SPAG6: variants seen among roughly 807,000 people sequenced by gnomAD.
SPAG6 encodes sperm associated antigen 6.
A neutral mutation model predicts 58.5 loss-of-function variants in SPAG6; 49 were observed. The observed-to-expected ratio is 0.84, with a 90% CI of 0.67 to 1.06. The LOEUF (loss-of-function observed/expected upper bound fraction) is 1.06, where lower values mean the gene tolerates loss of function less well. Among genes scored for constraint, SPAG6 ranks in the 50% least tolerant of loss-of-function variants. SPAG6 has a pLI of 0.00. For missense variants in SPAG6, 560 were observed against 611.3 expected (o/e 0.92, Z 0.89); for synonymous variants, 233 against 225.6 (o/e 1.03, Z -0.29).
rs1233956423 is a variant in SPAG6 at position 22,391,925 on chromosome 10, G to A, written c.1197+5G>A. Reference sequence around the variant, plus strand: ...TCTGAGGATCTCCAAGTAAAAGTAAGTGCTTAATTCTGTTTTATGAAGATT... The same window carrying A: ...TCTGAGGATCTCCAAGTAAAAGTAAATGCTTAATTCTGTTTTATGAAGATT... On this transcript the variant is annotated splice_donor_5th_base_variant and intron_variant, in intron 8 of 10. Coordinates refer to ENST00000376624, the MANE Select transcript of SPAG6 (RefSeq NM_012443.4). 8 of 1,601,306 alleles carry A rather than the reference G, an allele frequency of 5.0e-6. No individual in the cohort carries two copies. The Admixed American group carries it at 6.8e-5, about 14-fold the overall frequency.
At chr10:22,380,458 T>C (rs1833925311) in intron 4 of SPAG6, among the ~76,000 whole-genome samples, 1 of 151,958 alleles carries the variant, frequency 6.6e-6, no homozygotes, top group Admixed American at 6.6e-5. Flanking sequence ...CCACCATGCC[T>C]GGCTAATTTT....
Position 22,405,922 on chromosome 10 carries a change from C to T in SPAG6, c.1314+4645C>T, listed in dbSNP as rs573589123. Among the ~76,000 whole-genome samples, 3 of 152,234 alleles carry T rather than the reference C, an allele frequency of 2.0e-5. No individual in the cohort carries two copies. The East Asian group carries it at 5.8e-4, about 29-fold the overall frequency. Reference sequence around the variant, plus strand: ...TCTTCTAGATTTTCTAGTTTATTTGCGTAGAGGTGTTTATAGTATTCTCTG... The same window carrying T: ...TCTTCTAGATTTTCTAGTTTATTTGTGTAGAGGTGTTTATAGTATTCTCTG... On this transcript the variant is annotated intron_variant, in intron 9 of 10. Coordinates refer to ENST00000376624, the MANE Select transcript of SPAG6 (RefSeq NM_012443.4).
At chr10:22,384,701 T>C (rs1834028893) in intron 4 of SPAG6, among the ~76,000 whole-genome samples, 1 of 152,166 alleles carries the variant, frequency 6.6e-6, no homozygotes, top group African/African-American at 2.4e-5. Context: ...TGGCAAATCT[T>C]TTTCCACTGC....
intron 5 of SPAG6, 101 bp from the exon 6 acceptor site, chr10:22,387,722 A>G (rs1016259805): frequency 6.1e-5 from 71 of 1,170,562 alleles, no homozygotes; most frequent in Admixed American, 1.9e-4. Context: ...TTCCTTTTAT[A>G]AAGGAATTTG....
At chr10:22,403,337 A>G (rs1221387164) in intron 9 of SPAG6, among the ~76,000 whole-genome samples, 1 of 151,360 alleles carries the variant, frequency 6.6e-6, no homozygotes, top group East Asian at 2.0e-4. Flanking sequence ...TCCTGTGTCC[A>G]TGTGTTCTCA....
intron 2 of SPAG6, among the ~76,000 whole-genome samples, chr10:22,346,466 C>CTTCTTCTTCTTCTTCTTCT (rs1564357226): frequency 7.0e-6 from 1 of 142,232 alleles, no homozygotes; most frequent in Non-Finnish European, 1.5e-5. Flanking sequence ...TCTTCTTCTT[C>CTTCTTCTTCTTCTTCTTCT]TTCTTCTTCT....
In SPAG6 at chr10:22,389,457, T is replaced by C. The variant is rs1429510207; in HGVS notation, c.1005+145T>C. ...AAAATTTTGATTGTTTCAATGCTTA[T>C]TAGCAAGTTTTATTAGCAAGGTAAT... is the stretch of plus-strand genomic sequence containing the variant. On this transcript the variant is annotated intron_variant, in intron 7 of 10. Transcript: ENST00000376624. 4.2e-6 allele frequency: 3 copies of C among 717,644 alleles called. No individual in the cohort carries two copies. The East Asian group carries it at 8.2e-5, about 20-fold the overall frequency. 44.5% of individuals were successfully genotyped at this position (717,644 alleles called of 1,614,324 possible).
Position 22,350,399 on chromosome 10 carries a change from G to A in SPAG6, c.121+4581G>A, listed in dbSNP as rs76956090. ...TTGGTACATAGTAGAAAATAATAGA[G>A]TCAGGGTTAGGCTCTAATTGTTTCC... is the stretch of plus-strand genomic sequence containing the variant. On this transcript the variant is annotated intron_variant, in intron 2 of 10. Coordinates refer to ENST00000376624, the MANE Select transcript of SPAG6 (RefSeq NM_012443.4). Among the ~76,000 whole-genome samples the A allele has an allele frequency of 1.4e-3, 218 of 152,026 alleles. 5 individuals carry two copies. In the East Asian group the frequency reaches 0.035, roughly 24 times the overall value.
At chr10:22,368,311 C>G (rs1837253540) in intron 3 of SPAG6, among the ~76,000 whole-genome samples, 184 bp from the exon 4 acceptor site, 1 of 152,098 alleles carries the variant, frequency 6.6e-6, no homozygotes, top group Non-Finnish European at 1.5e-5. Context: ...AGTTACTGAA[C>G]AGAAGCAATG....
At position 22,368,783 on chromosome 10, in the gene SPAG6, GAT is replaced by G. The variant is rs923393303; in HGVS notation, c.472+106_472+107del. ...AGTAAAACATAGGTGGGGTTTTAATGATGTTTCTGTATGTGATGAGAAGTACG... is the reference window on the plus strand; with the variant it reads ...AGTAAAACATAGGTGGGGTTTTAATGGTTTCTGTATGTGATGAGAAGTACG... On this transcript the variant is annotated intron_variant, in intron 4 of 10. Transcript: ENST00000376624. The G allele has an allele frequency of 2.1e-5, 17 of 827,668 alleles. No homozygotes were observed. The African/African-American group carries it at 2.6e-4, about 13-fold the overall frequency. The allele number at this position is 827,668 out of a possible 1,614,324, so 51.3% of individuals were successfully genotyped here.
chr10:22,362,258 A>G (rs1837066750), intron 2 of SPAG6, among the ~76,000 whole-genome samples: 1 of 149,418 alleles, frequency 6.7e-6, no homozygotes, highest in Admixed American at 6.7e-5. Flanking sequence ...AACAAAATAA[A>G]AAGCCCAGAA....
chr10:22,377,019 C>T (rs1043269667), intron 4 of SPAG6, among the ~76,000 whole-genome samples: 22 of 151,226 alleles, frequency 1.5e-4, no homozygotes, highest in African/African-American at 4.9e-4. Context: ...GCTATGATGG[C>T]GCCACTGCAC....
At chr10:22,379,954 C>T (rs1833911292) in intron 4 of SPAG6, among the ~76,000 whole-genome samples, 2 of 151,760 alleles carry the variant, frequency 1.3e-5, no homozygotes, top group Admixed American at 6.6e-5. Flanking sequence ...GCCACCATGT[C>T]CAGCTAAGTT....
At position 22,358,318 on chromosome 10, in the gene SPAG6, C is replaced by T. The variant is rs1485908734; in HGVS notation, c.122-6535C>T. 4.8e-3 allele frequency among the ~76,000 whole-genome samples: 729 copies of T among 152,016 alleles called. 9 individuals are homozygous for T. The highest frequency in any genetic ancestry group is 0.017 in the African/African-American group (691 of 41,526). On this transcript the variant is annotated intron_variant, in intron 2 of 10. Transcript: ENST00000376624. ...GGTATCTCATTGTGGTTTTGATTTGCATTTCTCTGATGGCCAGTGATGGTG... is the reference window on the plus strand; with the variant it reads ...GGTATCTCATTGTGGTTTTGATTTGTATTTCTCTGATGGCCAGTGATGGTG...
At chr10:22,399,802 C>G (rs1834370027) in intron 8 of SPAG6, among the ~76,000 whole-genome samples, 1 of 152,150 alleles carries the variant, frequency 6.6e-6, no homozygotes, top group African/African-American at 2.4e-5. Context: ...AACCTTTTCA[C>G]TGATAACAGT....
At chr10:22,411,840 C>CTTT (rs546172800) in intron 10 of SPAG6, among the ~76,000 whole-genome samples, 11 of 66,748 alleles carry the variant, frequency 1.6e-4, no homozygotes, top group Non-Finnish European at 2.2e-4. Flanking sequence ...ACAACTGAAT[C>CTTT]TTTTTTTTTT....
intron 2 of SPAG6, chr10:22,361,272 A>G (rs1040858716): frequency 6.4e-6 from 1 of 157,018 alleles, no homozygotes; most frequent in African/African-American, 2.4e-5. Context: ...TAGAGCAGAA[A>G]CATCGCATAT....
At chr10:22,389,025 A>C (rs1834127000) in intron 6 of SPAG6, 135 bp from the exon 7 acceptor site, 1 of 658,356 alleles carries the variant, frequency 1.5e-6, no homozygotes, top group Admixed American at 3.1e-5. Flanking sequence ...TCTTTAATAA[A>C]TATAATAATT....
At chr10:22,379,918 C>G (rs1445576146) in intron 4 of SPAG6, among the ~76,000 whole-genome samples, 2 of 152,104 alleles carry the variant, frequency 1.3e-5, no homozygotes, top group African/African-American at 4.8e-5. Flanking sequence ...CTTCAGCCTC[C>G]CGAGTAGCTG....
Sources: allele counts gnomAD v4.1 joint callset (sites outside exome capture counted in the v4.1 genomes callset), GRCh38; gene constraint gnomAD v4.1.1; transcripts MANE v1.5; gene names NCBI Gene and HGNC (gene_info 2026-07-23, HGNC 2026-07-21).